The following ACSBG1 variants were observed in gnomAD, a reference collection of about 807,000 sequenced individuals.
ACSBG1 encodes the protein acyl-CoA synthetase bubblegum family member 1, also known as long-chain-fatty-acid--CoA ligase ACSBG1.
In ACSBG1, 39 loss-of-function variants were observed where a neutral mutation model predicts 80.2. The observed-to-expected ratio is 0.49, with a 90% confidence interval of 0.38 to 0.64. ACSBG1 has a LOEUF of 0.64. Ranked by LOEUF, ACSBG1 falls within the 30% of genes least tolerant of loss-of-function variation. The probability of loss-of-function intolerance (pLI) is 0.00; values close to 1 mark genes in which losing one functional copy is unlikely to be tolerated. For missense variants in ACSBG1, 828 were observed against 966.4 expected (o/e 0.86, Z 1.90); for synonymous variants, 392 against 379.5 (o/e 1.03, Z -0.38).
rs762699271 is a variant in ACSBG1, at chr15:78,234,532, GT to G, written c.-32del. On this transcript the variant is annotated 5_prime_UTR_variant, in exon 1 of 14. Transcript: ENST00000258873. ...TCGGGCTTCCACTGAAGACAGCTCA[GT>G]CACCCACTGAGAGAGGCTAGCCTTG... 8 of 1,597,064 alleles carry G rather than the reference GT, an allele frequency of 5.0e-6. No individual in the cohort carries two copies. The highest frequency in any genetic ancestry group is 6.8e-6 in the Non-Finnish European group (8 of 1,174,676).
In ACSBG1 at chr15:78,174,388, C is replaced by A; in HGVS notation, c.1839G>T (p.Leu613Phe). 5.6e-6 allele frequency: 9 copies of A among 1,614,180 alleles called. No individual in the cohort carries two copies. The highest frequency in any genetic ancestry group is 7.6e-6 in the Non-Finnish European group (9 of 1,180,020). ...QRKFLSMLLT[L>F]KCTLDPDTSD... ...AGCTGGAGCCCCCCAGACACACCTTCAAGGTGAGCAGCATGGACAGGAACT... is the reference window on the plus strand; with the variant it reads ...AGCTGGAGCCCCCCAGACACACCTTAAAGGTGAGCAGCATGGACAGGAACT... Residue 613 changes from leucine to phenylalanine, a missense_variant, in exon 12 of 14, where the codon TTG becomes TTT. Leu to Phe is a conservative substitution (Grantham distance 22). Transcript: ENST00000258873.
intron 1 of ACSBG1, among the ~76,000 whole-genome samples, chr15:78,212,965 C>T (rs1003017914): frequency 6.6e-6 from 1 of 152,214 alleles, no homozygotes; most frequent in South Asian, 2.1e-4. Flanking sequence ...ATCTCCAGGA[C>T]TCCTGCTTTG....
chr15:78,223,774 G>T (rs1249057042), intron 1 of ACSBG1, among the ~76,000 whole-genome samples: 1 of 152,214 alleles, frequency 6.6e-6, no homozygotes, highest in African/African-American at 2.4e-5. Context: ...TTAAATGAAG[G>T]ATCTTGAGAC....
At chr15:78,193,210 C>T (rs1194363615) in intron 5 of ACSBG1, among the ~76,000 whole-genome samples, 1 of 152,240 alleles carries the variant, frequency 6.6e-6, no homozygotes, top group Non-Finnish European at 1.5e-5. Flanking sequence ...GCTCTTGCTT[C>T]CCTTTAGGGG....
rs542915944 is a variant in ACSBG1, at chr15:78,232,165, T to G, written c.131+2206A>C. On this transcript the variant is annotated intron_variant, in intron 1 of 13. Coordinates refer to ENST00000258873, the MANE Select transcript of ACSBG1 (RefSeq NM_015162.5). The stretch of plus-strand genomic sequence containing the variant: ...GCTTTGAAAACATTTTCATACACAT[T>G]AGCTGATGGAATCCACCCAATTTTT... Among the ~76,000 whole-genome samples the G allele has an allele frequency of 3.3e-5, 5 of 152,328 alleles. No individual in the cohort carries two copies. In the South Asian group the frequency reaches 1.0e-3, roughly 32 times the overall value.
intron 1 of ACSBG1, among the ~76,000 whole-genome samples, chr15:78,225,518 C>G (rs1036430901): frequency 6.6e-6 from 1 of 151,802 alleles, no homozygotes; most frequent in African/African-American, 2.4e-5. Context: ...AAAAAATGTG[C>G]AAGATACCTA....
rs765424200 is a variant in ACSBG1, at chr15:78,171,475, A to G, written c.2144T>C (p.Ile715Thr). The G allele has an allele frequency of 1.4e-5, 22 of 1,614,074 alleles. No individual in the cohort carries two copies. Among genetic ancestry groups the G allele is most frequent in the South Asian group, 5.5e-5 (5 of 91,080 alleles). ...TTTTTGCTCTTGGTAAAAGGAGTCA[A>G]TGATACCTTTGTACTTCTCCAAAAC... is the stretch of plus-strand genomic sequence containing the variant. The part of the protein sequence containing the change: ...LTVLEKYKGI[I>T]DSFYQEQKM Residue 715 changes from isoleucine (I) to threonine (T), a missense_variant, in exon 14 of 14, where the codon ATT (isoleucine) becomes ACT (threonine). Around this residue, in one of 3 missense-constraint regions of ACSBG1, gnomAD observed 201 missense variants for 227.0 expected, o/e 0.89. Coordinates refer to ENST00000258873, the MANE Select transcript of ACSBG1 (RefSeq NM_015162.5).
At chr15:78,207,917 T>TCCCCCCCCCCCCCCCCCCCCCCCACAC in intron 2 of ACSBG1, 85 bp downstream of exon 2, 1 of 876,066 alleles carries the variant, frequency 1.1e-6, no homozygotes, top group Non-Finnish European at 1.8e-6. Context: ...TGTGTGGTGG[T>TCCCCCCCCCCCCCCCCCCCCCCCACAC]CCCCCACACC....
intron 5 of ACSBG1, among the ~76,000 whole-genome samples, chr15:78,192,281 C>T (rs1483875376): frequency 4.6e-5 from 7 of 152,046 alleles, no homozygotes; most frequent in African/African-American, 1.2e-4. Context: ...GTGACCTCTG[C>T]GGCTGTCACC....
chr15:78,224,966 GAAC>G (rs2075388204), intron 1 of ACSBG1, among the ~76,000 whole-genome samples: 1 of 147,554 alleles, frequency 6.8e-6, no homozygotes, highest in African/African-American at 2.5e-5. Flanking sequence ...CCAAAATTTT[GAAC>G]ATAAAAGTCT....
At chr15:78,207,857 C>T (rs550065531) in intron 2 of ACSBG1, 145 bp downstream of exon 2, 5 of 670,094 alleles carry the variant, frequency 7.5e-6, no homozygotes, top group African/African-American at 7.1e-5. Context: ...TGGTGGGGTC[C>T]CTGGGAGCGT....
intron 1 of ACSBG1, among the ~76,000 whole-genome samples, chr15:78,219,014 G>A (rs538679601): frequency 2.0e-5 from 3 of 152,120 alleles, no homozygotes; most frequent in Admixed American, 1.3e-4. Flanking sequence ...GTTCCACCAC[G>A]TTGGCCAGGC....
At chr15:78,218,385 G>A (rs143722130) in intron 1 of ACSBG1, among the ~76,000 whole-genome samples, 2,015 of 152,212 alleles carry the variant, frequency 0.013, 50 homozygotes, top group African/African-American at 0.046. Context: ...GGTCCCTGCC[G>A]TGGAGGAGCC....
intron 5 of ACSBG1, among the ~76,000 whole-genome samples, chr15:78,192,085 C>T (rs2075062111): frequency 6.6e-6 from 1 of 152,186 alleles, no homozygotes; most frequent in African/African-American, 2.4e-5. Flanking sequence ...GACGTGAAGA[C>T]ACTGTGAGAA....
intron 2 of ACSBG1, among the ~76,000 whole-genome samples, chr15:78,206,164 G>A (rs915558051): frequency 5.3e-5 from 8 of 152,236 alleles, no homozygotes; most frequent in South Asian, 2.1e-4. Context: ...CGCTCTGGGC[G>A]CCTGCTGACA....
intron 1 of ACSBG1, among the ~76,000 whole-genome samples, chr15:78,228,468 T>C (rs115592804): frequency 6.6e-6 from 1 of 152,328 alleles, no homozygotes; most frequent in African/African-American, 2.4e-5. Flanking sequence ...ATTCAGGGGC[T>C]TGCCTGGAGA....
rs1253953906 is a variant in ACSBG1, at chr15:78,172,547, AC to A, written c.2090-1019del. On this transcript the variant is annotated intron_variant, in intron 13 of 13. Transcript: ENST00000258873. The surrounding 1 kb of genome is among the most constrained non-coding windows in gnomAD (Gnocchi z 4.1). ...TGCCTAACTCACTCTTGACTGTGTA[AC>A]TGGAAACTTTCTGTGTTAAAGTCAT... is the stretch of plus-strand genomic sequence containing the variant. 1.3e-5 allele frequency among the ~76,000 whole-genome samples: 2 copies of A among 152,214 alleles called. No individual in the cohort carries two copies. The highest frequency in any genetic ancestry group is 1.3e-4 in the Admixed American group (2 of 15,272).
rs142305809 is a variant in ACSBG1, at chr15:78,221,082, G to A, written c.132-12980C>T. ...GGGGCCCTGCCCCTCCACACCTCTG[G>A]GTATTTCTCATGAGGAGGGACGAGA... is the stretch of plus-strand genomic sequence containing the variant. On this transcript the variant is annotated intron_variant, in intron 1 of 13. Coordinates refer to ENST00000258873, the MANE Select transcript of ACSBG1 (RefSeq NM_015162.5). Among the ~76,000 whole-genome samples the A allele has an allele frequency of 9.3e-4, 141 of 152,266 alleles. 1 individual carries two copies. Among genetic ancestry groups the A allele is most frequent in the African/African-American group, 3.2e-3 (134 of 41,540 alleles).
rs910068510 is a variant in ACSBG1 at position 78,169,883 on chromosome 15, A to G, written c.*1561T>C. ...ATGTTGCTGTCTGGGAATGGACCAC[A>G]CTACAGCAGGTAGTTCTGGGGGCGA... On this transcript the variant is annotated 3_prime_UTR_variant, in exon 14 of 14. Coordinates refer to ENST00000258873, the MANE Select transcript of ACSBG1 (RefSeq NM_015162.5). 5 of 152,212 alleles carry G rather than the reference A, an allele frequency of 3.3e-5. No individual in the cohort carries two copies. Among genetic ancestry groups the G allele is most frequent in the Non-Finnish European group, 7.3e-5 (5 of 68,032 alleles). 9.4% of individuals were successfully genotyped at this position (152,212 alleles called of 1,614,324 possible). A position where few individuals can be genotyped will look rare whatever the true frequency, so the allele number is the denominator to read the frequency against.
Sources: gnomAD v4.1 joint callset for allele counts (sites outside exome capture counted in the v4.1 genomes callset) on GRCh38, gnomAD v4.1.1 for gene constraint, gnomAD v4.1.1 regional missense constraint, Gnocchi (gnomAD v3.1) non-coding constraint, MANE v1.5 for transcripts, NCBI Gene and HGNC (gene_info 2026-07-23, HGNC 2026-07-21) for gene names.